SNTB1: variants seen among roughly 807,000 people sequenced by gnomAD.
SNTB1 encodes beta-1-syntrophin.
A neutral mutation model predicts 48.9 loss-of-function variants in SNTB1; 36 were observed. The observed-to-expected ratio is 0.74, with a 90% confidence interval of 0.56 to 0.97. SNTB1 has a LOEUF of 0.97. SNTB1 is among the 50% of genes least tolerant of loss of function. The probability of loss-of-function intolerance (pLI) is 0.00; values close to 1 mark genes in which losing one functional copy is unlikely to be tolerated. For synonymous variants in SNTB1, 299 were observed against 294.6 expected, an observed-to-expected ratio of 1.01 and a Z score of -0.15; for missense variants, 786 against 703.4, an observed-to-expected ratio of 1.12 and a Z score of -1.33.
intron 3 of SNTB1, among the ~76,000 whole-genome samples, chr8:120,612,572 AG>A (rs1287881862): frequency 6.6e-6 from 1 of 151,986 alleles, no homozygotes; most frequent in Admixed American, 6.6e-5. Flanking sequence ...TATTTTTTTG[AG>A]ATGGAGTTTT....
chr8:120,597,906 T>C (rs964567974), intron 3 of SNTB1, among the ~76,000 whole-genome samples: 33 of 152,254 alleles, frequency 2.2e-4, no homozygotes, highest in African/African-American at 8.0e-4. Context: ...GACTTACATA[T>C]AATTCCAACA....
intron 3 of SNTB1, among the ~76,000 whole-genome samples, chr8:120,592,105 G>C (rs1322450899): frequency 6.6e-6 from 1 of 152,136 alleles, no homozygotes; most frequent in Non-Finnish European, 1.5e-5. Context: ...TTATTAAAAA[G>C]TATGAAAAAG....
chr8:120,643,113 G>A (rs1028764374), intron 2 of SNTB1, among the ~76,000 whole-genome samples: 6 of 152,136 alleles, frequency 3.9e-5, no homozygotes, highest in Non-Finnish European at 5.9e-5. Context: ...ATGGCCATTG[G>A]CAGGAAGCCT....
At chr8:120,614,381 G>T (rs983417760) in intron 3 of SNTB1, among the ~76,000 whole-genome samples, 9 of 152,220 alleles carry the variant, frequency 5.9e-5, no homozygotes, top group Admixed American at 3.9e-4. Context: ...CACTTCAGGT[G>T]CAGGAACAAA....
At chr8:120,777,248 A>G (rs1307035925) in intron 1 of SNTB1, among the ~76,000 whole-genome samples, 1 of 152,232 alleles carries the variant, frequency 6.6e-6, no homozygotes. Context: ...ACTGACAAAC[A>G]TGTTGAACTT....
chr8:120,556,625 T>C (rs1299956043), intron 4 of SNTB1, among the ~76,000 whole-genome samples: 1 of 152,182 alleles, frequency 6.6e-6, no homozygotes, highest in East Asian at 1.9e-4. Context: ...GTACATATTA[T>C]GGTATTGCAA....
At chr8:120,710,777 G>A (rs1212958914) in intron 1 of SNTB1, among the ~76,000 whole-genome samples, 2 of 152,204 alleles carry the variant, frequency 1.3e-5, no homozygotes, top group Non-Finnish European at 1.5e-5. Context: ...GCTCAGTCTT[G>A]GACTTCCCAG....
At chr8:120,661,190 T>A (rs1389853650) in intron 2 of SNTB1, among the ~76,000 whole-genome samples, 1 of 149,318 alleles carries the variant, frequency 6.7e-6, no homozygotes, top group East Asian at 2.1e-4. Context: ...AAACCTTCAA[T>A]TTGTTAAAAA....
At chr8:120,786,723 G>A (rs944562013) in intron 1 of SNTB1, among the ~76,000 whole-genome samples, 2 of 152,164 alleles carry the variant, frequency 1.3e-5, no homozygotes, top group South Asian at 4.1e-4. Context: ...CTTTCCTGCT[G>A]GCTTGCAATG....
chr8:120,802,766 A>C (rs2130182314), intron 1 of SNTB1, among the ~76,000 whole-genome samples: 1 of 150,816 alleles, frequency 6.6e-6, no homozygotes, highest in South Asian at 2.1e-4. Flanking sequence ...GTGACATATT[A>C]TATAATTTAG....
At chr8:120,656,779 A>C (rs7836771) in intron 2 of SNTB1, among the ~76,000 whole-genome samples, 130,619 of 152,212 alleles carry the variant, frequency 0.86, 56,198 homozygotes, top group Middle Eastern at 0.93. Flanking sequence ...CCCAGTTAAA[A>C]TTGAGTTTCA....
At chr8:120,693,549 A>C in intron 2 of SNTB1, 143 bp downstream of exon 2, 1 of 717,172 alleles carries the variant, frequency 1.4e-6, no homozygotes, top group Non-Finnish European at 2.4e-6. Flanking sequence ...AGACACACAC[A>C]ATTCTCAGCA....
At chr8:120,641,868 A>G (rs1817202175) in intron 2 of SNTB1, among the ~76,000 whole-genome samples, 1 of 152,198 alleles carries the variant, frequency 6.6e-6, no homozygotes, top group Non-Finnish European at 1.5e-5. Flanking sequence ...GCAAAAATGG[A>G]TGAATTTTTG....
At chr8:120,732,023 T>C (rs964940739) in intron 1 of SNTB1, among the ~76,000 whole-genome samples, 1 of 152,176 alleles carries the variant, frequency 6.6e-6, no homozygotes, top group African/African-American at 2.4e-5. Context: ...TATAAGGCAA[T>C]TGGGCTCTTT....
At chr8:120,624,110 G>A (rs1587041015) in intron 3 of SNTB1, among the ~76,000 whole-genome samples, 1 of 152,066 alleles carries the variant, frequency 6.6e-6, no homozygotes, top group Admixed American at 6.6e-5. Flanking sequence ...GCTAATTTTT[G>A]TATTTTTAGT....
At chr8:120,774,120 T>C (rs1819689634) in intron 1 of SNTB1, among the ~76,000 whole-genome samples, 1 of 152,168 alleles carries the variant, frequency 6.6e-6, no homozygotes, top group Admixed American at 6.5e-5. Context: ...CAAATCCAAG[T>C]GGGAGGATGA....
At chr8:120,672,786 G>C (rs1002746065) in intron 2 of SNTB1, among the ~76,000 whole-genome samples, 1 of 152,214 alleles carries the variant, frequency 6.6e-6, no homozygotes, top group African/African-American at 2.4e-5. Context: ...TCCTGTTGCT[G>C]TCCTGGGACA....
At chr8:120,597,838 C>T (rs893505966) in intron 3 of SNTB1, among the ~76,000 whole-genome samples, 19 of 152,282 alleles carry the variant, frequency 1.2e-4, no homozygotes, top group African/African-American at 2.4e-4. Flanking sequence ...GCTGCCCCAA[C>T]GACTTACAAT....
intron 2 of SNTB1, among the ~76,000 whole-genome samples, chr8:120,676,440 CA>C (rs1817835458): frequency 2.6e-5 from 4 of 152,298 alleles, no homozygotes; most frequent in Admixed American, 6.5e-5. Context: ...CACAAAGAGA[CA>C]GGATTCAAAC....
Sources: allele counts gnomAD v4.1 joint callset (sites outside exome capture counted in the v4.1 genomes callset), GRCh38; gene constraint gnomAD v4.1.1; transcripts MANE v1.5; gene names NCBI Gene and HGNC (gene_info 2026-07-23, HGNC 2026-07-21).